The following SOX6 variants were observed in gnomAD, a reference collection of about 807,000 sequenced individuals.
SOX6 encodes SRY-box transcription factor 6, also known as transcription factor SOX-6.
In SOX6, 11 loss-of-function variants were observed where a neutral mutation model predicts 97.8. The ratio of observed to expected loss-of-function variants is 0.11; its 90% CI spans 0.07 to 0.19. The LOEUF (loss-of-function observed/expected upper bound fraction) is 0.19. Ranked by LOEUF, SOX6 falls within the 10% of genes least tolerant of loss-of-function variation. The probability of loss-of-function intolerance (pLI) is 1.00; values close to 1 mark genes in which losing one functional copy is unlikely to be tolerated. For missense variants in SOX6, 810 were observed against 1,039.5 expected (o/e 0.78, Z 3.04); for synonymous variants, 360 against 371.4 (o/e 0.97, Z 0.35).
At chr11:16,319,591 C>T (rs747938871) in intron 2 of SOX6, among the ~76,000 whole-genome samples, 8 of 150,616 alleles carry the variant, frequency 5.3e-5, no homozygotes, top group African/African-American at 1.7e-4. Flanking sequence ...TAACATGCGG[C>T]GTTTGGTTTT....
At chr11:16,242,855 C>T (rs777683136) in intron 3 of SOX6, among the ~76,000 whole-genome samples, 18 of 151,704 alleles carry the variant, frequency 1.2e-4, no homozygotes, top group Non-Finnish European at 1.5e-4. Flanking sequence ...GGTTATAGTC[C>T]TCAATTTGGT....
At chr11:16,661,225 T>C (rs1183176236) in intron 3 of SOX6, among the ~76,000 whole-genome samples, 2 of 152,350 alleles carry the variant, frequency 1.3e-5, no homozygotes, top group Non-Finnish European at 2.9e-5. Context: ...TAGTTTTTCT[T>C]GTTCTGAAGT....
intron 1 of SOX6, among the ~76,000 whole-genome samples, chr11:16,465,387 A>C (rs931913948): frequency 6.6e-6 from 1 of 152,186 alleles, no homozygotes; most frequent in Admixed American, 6.5e-5. Context: ...AGATATCAAA[A>C]TATGTGAGAT....
chr11:16,559,427 T>C (rs560443092), intron 4 of SOX6, among the ~76,000 whole-genome samples: 1 of 152,114 alleles, frequency 6.6e-6, no homozygotes, highest in South Asian at 2.1e-4. Flanking sequence ...TGCCCCCTGA[T>C]CAAACACAGA....
chr11:16,028,869 C>T (rs545923164), intron 12 of SOX6, among the ~76,000 whole-genome samples: 1 of 152,252 alleles, frequency 6.6e-6, no homozygotes, highest in East Asian at 1.9e-4. Flanking sequence ...CTGTCCTTAA[C>T]TGGCACAAAC....
chr11:16,688,051 C>T (rs1320677850), intron 3 of SOX6, among the ~76,000 whole-genome samples: 15 of 152,076 alleles, frequency 9.9e-5, no homozygotes, highest in Non-Finnish European at 1.5e-5. Context: ...TGGCTCACTG[C>T]AGCCTCAACC....
chr11:16,518,570 C>A (rs553404370), intron 4 of SOX6, among the ~76,000 whole-genome samples: 1 of 152,140 alleles, frequency 6.6e-6, no homozygotes, highest in Non-Finnish European at 1.5e-5. Flanking sequence ...TAGAAGAGTT[C>A]TCTGAATATC....
At chr11:16,373,661 G>T (rs1329084883) in intron 1 of SOX6, among the ~76,000 whole-genome samples, 1 of 151,890 alleles carries the variant, frequency 6.6e-6, no homozygotes, top group Non-Finnish European at 1.5e-5. Context: ...AAAGTTTGTA[G>T]GTTTTCTGGT....
intron 12 of SOX6, among the ~76,000 whole-genome samples, chr11:16,032,097 C>CCA (rs1003034928): frequency 6.6e-6 from 1 of 152,108 alleles, no homozygotes; most frequent in African/African-American, 2.4e-5. Flanking sequence ...ACTACTTCTT[C>CCA]CAAAGTCTGG....
intron 4 of SOX6, among the ~76,000 whole-genome samples, chr11:16,530,749 G>C (rs1166248849): frequency 6.6e-6 from 1 of 151,830 alleles, no homozygotes; most frequent in African/African-American, 2.4e-5. Context: ...GAAACATGCA[G>C]ACAGACTATC....
At chr11:16,406,310 C>T (rs1348895610) in intron 1 of SOX6, among the ~76,000 whole-genome samples, 1 of 152,056 alleles carries the variant, frequency 6.6e-6, no homozygotes, top group African/African-American at 2.4e-5. Context: ...CTATATACAG[C>T]CACAAGAATG....
intron 2 of SOX6, among the ~76,000 whole-genome samples, chr11:16,727,718 C>T (rs1461633046): frequency 6.6e-6 from 1 of 151,906 alleles, no homozygotes; most frequent in East Asian, 1.9e-4. Context: ...GATTACAGGC[C>T]TGAGACACCA....
Position 16,386,725 on chromosome 11 carries a change from C to T in SOX6, c.-4-45473G>A, listed in dbSNP as rs186091554. ...TATAATTTATGTCTCAGCTTTAATACCACTAATGTATAGTCACCATCCTTG... is the reference window on the plus strand; with the variant it reads ...TATAATTTATGTCTCAGCTTTAATATCACTAATGTATAGTCACCATCCTTG... On this transcript the variant is annotated intron_variant, in intron 1 of 15. Coordinates refer to the SOX6 transcript ENST00000396356. Among the ~76,000 whole-genome samples, 342 of 152,232 alleles carry T rather than the reference C, an allele frequency of 2.2e-3. 3 individuals are homozygous for T. The highest frequency in any genetic ancestry group is 7.8e-3 in the African/African-American group (323 of 41,544).
chr11:16,148,455 A>G (rs1335483513), intron 6 of SOX6, among the ~76,000 whole-genome samples: 1 of 152,182 alleles, frequency 6.6e-6, no homozygotes. Flanking sequence ...ACACGCTCAA[A>G]TGTCATGTGC....
rs201044029 is a variant in SOX6, at chr11:16,206,133, T to C, written c.536-19178A>G. On this transcript the variant is annotated intron_variant, in intron 4 of 15. Transcript: ENST00000683767. ...ATATACACATTTATTAGGTTAATAT[T>C]ATGTGTTAATGTACAACTAGCATTA... Among the ~76,000 whole-genome samples, 7 of 152,254 alleles carry C rather than the reference T, an allele frequency of 4.6e-5. No individual in the cohort carries two copies. In the East Asian group the frequency reaches 7.7e-4, roughly 17 times the overall value.
At chr11:16,594,784 G>A (rs1848193568) in intron 4 of SOX6, among the ~76,000 whole-genome samples, 1 of 138,418 alleles carries the variant, frequency 7.2e-6, no homozygotes, top group Non-Finnish European at 1.5e-5. Context: ...TCCGCCTGCC[G>A]GGTTCACGCC....
At chr11:15,974,217 T>A (rs993874824) in intron 15 of SOX6, among the ~76,000 whole-genome samples, 3 of 152,104 alleles carry the variant, frequency 2.0e-5, no homozygotes, top group African/African-American at 7.2e-5. Context: ...TTTGTACTCA[T>A]GACTTCAGGT....
At chr11:16,183,571 G>C (rs899128909) in intron 6 of SOX6, among the ~76,000 whole-genome samples, 3 of 151,964 alleles carry the variant, frequency 2.0e-5, no homozygotes, top group African/African-American at 4.8e-5. Flanking sequence ...ACAGAAAGTG[G>C]TCAGTGGCAA....
intron 6 of SOX6, among the ~76,000 whole-genome samples, chr11:16,144,745 T>C (rs555034090): frequency 4.0e-5 from 6 of 151,880 alleles, no homozygotes; most frequent in Non-Finnish European, 7.4e-5. Flanking sequence ...AACTAGAAAA[T>C]CTAGAAGAAA....
Sources: gnomAD v4.1 joint callset for allele counts (sites outside exome capture counted in the v4.1 genomes callset) on GRCh38, gnomAD v4.1.1 for gene constraint, MANE v1.5 for transcripts, NCBI Gene and HGNC (gene_info 2026-07-23, HGNC 2026-07-21) for gene names.